The following B3GALT5 variants were observed in gnomAD, a reference collection of about 807,000 sequenced individuals.
The protein encoded by B3GALT5 is UDP-Gal:betaGlcNAc beta 1,3-galactosyltransferase, polypeptide 5.
For synonymous variants in B3GALT5, 156 were observed against 158.6 expected (o/e 0.98, Z 0.12); for missense variants, 328 against 396.6 (o/e 0.83, Z 1.47).
intron 2 of B3GALT5, among the ~76,000 whole-genome samples, chr21:39,656,762 G>C (rs1237077394): frequency 6.6e-6 from 1 of 152,208 alleles, no homozygotes; most frequent in Non-Finnish European, 1.5e-5. Flanking sequence ...AGAGTCCCAG[G>C]ACGCTGCACG....
intron 1 of B3GALT5, among the ~76,000 whole-genome samples, chr21:39,639,946 A>G (rs2079276720): frequency 2.6e-5 from 4 of 152,094 alleles, no homozygotes; most frequent in African/African-American, 9.7e-5. Flanking sequence ...AATAACTGTA[A>G]AATGTAAATG....
At chr21:39,635,463 G>T (rs1382816319) in intron 1 of B3GALT5, among the ~76,000 whole-genome samples, 1 of 152,100 alleles carries the variant, frequency 6.6e-6, no homozygotes, top group African/African-American at 2.4e-5. Flanking sequence ...TCTGAATAGG[G>T]ATTATCTTCC....
chr21:39,647,165 G>T (rs909982256), intron 2 of B3GALT5, among the ~76,000 whole-genome samples: 6 of 152,206 alleles, frequency 3.9e-5, no homozygotes, highest in Non-Finnish European at 8.8e-5. Flanking sequence ...ATGTCCTGAT[G>T]GCCGAGAGGC....
At chr21:39,643,968 T>G (rs963546413) in intron 1 of B3GALT5, among the ~76,000 whole-genome samples, 3 of 152,182 alleles carry the variant, frequency 2.0e-5, no homozygotes, top group African/African-American at 7.2e-5. Context: ...AAAGTCTCAA[T>G]CATTTCAGGA....
rs1602317882 is a variant in B3GALT5, at chr21:39,669,858, G to A, written c.*8366G>A. 1 of 152,242 alleles carries A rather than the reference G, an allele frequency of 6.6e-6. No individual in the cohort carries two copies. Among genetic ancestry groups the A allele is most frequent in the East Asian group, 1.9e-4 (1 of 5,182 alleles). The allele number at this position is 152,242 out of a possible 1,614,324, so 9.4% of individuals were successfully genotyped here. A position where few individuals can be genotyped will look rare whatever the true frequency, so the allele number is the denominator to read the frequency against. On this transcript the variant is annotated 3_prime_UTR_variant, in exon 4 of 4. Transcript: ENST00000684187. ...TCCTCCGATGTATCTGCTTTCATAGGAAGCTTGGGACCAGCCCTGCCCAAG... is the reference window on the plus strand; with the variant it reads ...TCCTCCGATGTATCTGCTTTCATAGAAAGCTTGGGACCAGCCCTGCCCAAG...
rs1186718242 is a variant in B3GALT5 at position 39,672,554 on chromosome 21, CATATTT to C, written c.*11065_*11070del. ...TATGTCCTTATTATTGGTTAATAATCATATTTATTTTTAATGAAAATTAAATTATGA... is the reference window on the plus strand; with the variant it reads ...TATGTCCTTATTATTGGTTAATAATCATTTTTAATGAAAATTAAATTATGA... On this transcript the variant is annotated 3_prime_UTR_variant, in exon 4 of 4. Transcript: ENST00000684187. The C allele has an allele frequency of 6.6e-6, 1 of 152,138 alleles. No individual in the cohort carries two copies. Among genetic ancestry groups the C allele is most frequent in the Non-Finnish European group, 1.5e-5 (1 of 68,022 alleles). The allele number at this position is 152,138 out of a possible 1,614,324, so 9.4% of individuals were successfully genotyped here. A position where few individuals can be genotyped will look rare whatever the true frequency, so the allele number is the denominator to read the frequency against.
At chr21:39,648,628 C>T (rs1471272900) in intron 2 of B3GALT5, among the ~76,000 whole-genome samples, 4 of 152,190 alleles carry the variant, frequency 2.6e-5, no homozygotes, top group Non-Finnish European at 4.4e-5. Flanking sequence ...CCCATGGCCA[C>T]TCCCCATGAC....
At chr21:39,616,118 C>T (rs7277405) in intron 1 of B3GALT5, among the ~76,000 whole-genome samples, 2,359 of 152,168 alleles carry the variant, frequency 0.016, 70 homozygotes, top group African/African-American at 0.053. Context: ...TAGACACAGG[C>T]AGGAGCATTG....
At chr21:39,620,185 T>C (rs579659) in intron 1 of B3GALT5, among the ~76,000 whole-genome samples, 15,261 of 152,308 alleles carry the variant, frequency 0.1, 865 homozygotes, top group Middle Eastern at 0.15. Flanking sequence ...GTCCTTTTTC[T>C]GGTCCAGGAT....
rs1300736268 is a variant in B3GALT5, at chr21:39,664,998, T to A, written c.*3506T>A. On this transcript the variant is annotated 3_prime_UTR_variant, in exon 4 of 4. Transcript: ENST00000684187. Reference sequence around the variant, plus strand: ...TGGCTTTAAATATGTTGATGATGTTTCCATTTATCTCCAGCCTAGAACTCT... The same window carrying A: ...TGGCTTTAAATATGTTGATGATGTTACCATTTATCTCCAGCCTAGAACTCT... 1 of 152,196 alleles carries A rather than the reference T, an allele frequency of 6.6e-6. No individual in the cohort carries two copies. Among genetic ancestry groups the A allele is most frequent in the Admixed American group, 6.6e-5 (1 of 15,262 alleles). The allele number at this position is 152,196 out of a possible 1,614,324, so 9.4% of individuals were successfully genotyped here. A position where few individuals can be genotyped will look rare whatever the true frequency, so the allele number is the denominator to read the frequency against.
rs369712108 is a variant in B3GALT5, at chr21:39,661,044, A to G, written c.485A>G (p.Asn162Ser). The G allele has an allele frequency of 1.9e-5, 31 of 1,614,100 alleles. No individual in the cohort carries two copies. Among genetic ancestry groups the G allele is most frequent in the African/African-American group, 4.0e-5 (3 of 74,934 alleles). The change falls in exon 4 of 4, where the codon AAT becomes AGT. Residue 162 changes from asparagine to serine, a missense_variant. Coordinates refer to ENST00000684187, the MANE Select transcript of B3GALT5 (RefSeq NM_001356336.2). The surrounding 1 kb of genome is among the most constrained non-coding windows in gnomAD (Gnocchi z 4.7). ...VMKTDSDMFI[N>S]VDYLTELLLK... ...AAAACAGACTCAGACATGTTCATCAATGTTGACTATCTGACTGAACTGCTT... is the reference window on the plus strand; with the variant it reads ...AAAACAGACTCAGACATGTTCATCAGTGTTGACTATCTGACTGAACTGCTT...
At position 39,660,577 on chromosome 21, in the gene B3GALT5, G is replaced by T. The variant is rs2079503158; in HGVS notation, c.18G>T (p.Met6Ile). 1 of 1,420,036 alleles carries T rather than the reference G, an allele frequency of 7.0e-7. No individual in the cohort carries two copies. Among genetic ancestry groups the T allele is most frequent in the Non-Finnish European group, 9.2e-7 (1 of 1,083,390 alleles). 88.0% of individuals were successfully genotyped at this position (1,420,036 alleles called of 1,614,324 possible). A position where few individuals can be genotyped will look rare whatever the true frequency, so the allele number is the denominator to read the frequency against. ...CCTTTCAGATGGCTTTCCCGAAGAT[G>T]AGATTGATGTATATTTGCCTTCTGG... MAFPK[M>I]RLMYICLLVL... Residue 6 changes from methionine to isoleucine, a missense_variant, in exon 4 of 4, where the codon ATG (methionine) becomes ATT (isoleucine). By Grantham distance (10) the Met-to-Ile change is conservative (BLOSUM62 1). Transcript: ENST00000684187.
At chr21:39,655,010 A>G (rs1324240076) in intron 2 of B3GALT5, among the ~76,000 whole-genome samples, 1 of 152,224 alleles carries the variant, frequency 6.6e-6, no homozygotes, top group African/African-American at 2.4e-5. Flanking sequence ...TCTCTTGGGT[A>G]CACCTGTATA....
rs779684781 is a variant in B3GALT5, at chr21:39,661,519, A to G, written c.*27A>G. 3 of 1,486,550 alleles carry G rather than the reference A, an allele frequency of 2.0e-6. No individual in the cohort carries two copies. The highest frequency in any genetic ancestry group is 1.4e-5 in the African/African-American group (1 of 71,180). The allele number at this position is 1,486,550 out of a possible 1,614,324, so 92.1% of individuals were successfully genotyped here. On this transcript the variant is annotated 3_prime_UTR_variant, in exon 4 of 4. Transcript: ENST00000684187. The surrounding 1 kb of genome is among the most constrained non-coding windows in gnomAD (Gnocchi z 4.7). Reference sequence around the variant, plus strand: ...GGGAGCCCAGAGGCACATCCGGACAAGTTTCAGATAACCCGTGGGGATAGT... The same window carrying G: ...GGGAGCCCAGAGGCACATCCGGACAGGTTTCAGATAACCCGTGGGGATAGT...
intron 1 of B3GALT5, among the ~76,000 whole-genome samples, chr21:39,636,947 T>C (rs634910): frequency 0.13 from 19,619 of 152,116 alleles, 1,651 homozygotes; most frequent in African/African-American, 0.23. Flanking sequence ...CACTGAGCCA[T>C]GTGTTGTCTT....
intron 1 of B3GALT5, among the ~76,000 whole-genome samples, chr21:39,637,701 C>A (rs1372594853): frequency 6.6e-6 from 1 of 152,232 alleles, no homozygotes; most frequent in Admixed American, 6.5e-5. Context: ...GGGAACCCAC[C>A]TGCCGTGGCT....
At chr21:39,621,257 T>A (rs1358549753) in intron 1 of B3GALT5, among the ~76,000 whole-genome samples, 1 of 152,230 alleles carries the variant, frequency 6.6e-6, no homozygotes, top group Non-Finnish European at 1.5e-5. Flanking sequence ...GGTGCTGAAT[T>A]TTATTGATTC....
intron 1 of B3GALT5, among the ~76,000 whole-genome samples, chr21:39,634,344 G>C (rs1461980973): frequency 1.3e-5 from 2 of 152,152 alleles, no homozygotes; most frequent in African/African-American, 4.8e-5. Context: ...TGTCAGAACT[G>C]CTCCCATGTC....
In B3GALT5 at chr21:39,661,183, C is replaced by T; in HGVS notation, c.624C>T (p.Asp208=). 6.2e-7 allele frequency: 1 copy of T among 1,614,158 alleles called. No homozygotes were observed. Among genetic ancestry groups the T allele is most frequent in the Non-Finnish European group, 8.5e-7 (1 of 1,180,012 alleles). ...TCAGTAAATCTGAATATCCGTGGGA[C>T]AGGTACCCACCATTCTGCTCCGGCA... The part of the protein sequence containing the change: ...WFVSKSEYPW[D]RYPPFCSGTG... Residue 208 remains aspartate (D), a synonymous_variant, in exon 4 of 4, where the codon GAC becomes GAT. Coordinates refer to ENST00000684187, the MANE Select transcript of B3GALT5 (RefSeq NM_001356336.2). This position sits in a 1 kb window ranked among gnomAD's most constrained non-coding sequence, Gnocchi z 4.7.
Sources: allele counts gnomAD v4.1 joint callset (sites outside exome capture counted in the v4.1 genomes callset), GRCh38; gene constraint gnomAD v4.1.1; non-coding constraint Gnocchi (gnomAD v3.1); transcripts MANE v1.5; gene names NCBI Gene and HGNC (gene_info 2026-07-23, HGNC 2026-07-21).